Variants in VSIG1 observed in about 807,000 individuals in gnomAD.
VSIG1 encodes the protein V-set and immunoglobulin domain containing 1.
Under a neutral mutation model 20.1 loss-of-function variants are expected in VSIG1, and 11 were observed. The observed-to-expected ratio is 0.55, with a 90% CI of 0.34 to 0.91. The LOEUF (loss-of-function observed/expected upper bound fraction) is 0.91, where lower values mean the gene tolerates loss of function less well. Ranked by LOEUF, VSIG1 falls within the 40% of genes least tolerant of loss-of-function variation. The pLI, the probability that VSIG1 is intolerant of heterozygous loss-of-function variation, is 0.02. For missense variants in VSIG1, 283 were observed against 298.8 expected, an observed-to-expected ratio of 0.95 and a Z score of 0.39; for synonymous variants, 126 against 116.7, an observed-to-expected ratio of 1.08 and a Z score of -0.52.
intron 5 of VSIG1, 143 bp from the exon 6 acceptor site, chrX:108,075,934 G>A (rs1450492454): frequency 1.5e-6 from 1 of 677,960 alleles, no homozygotes; most frequent in Non-Finnish European, 2.1e-6. Flanking sequence ...AAATGACAGA[G>A]TTCTAGGGGT....
At chrX:108,039,529 T>C in the VSIG1 span, among the ~76,000 whole-genome samples, 1 of 111,710 alleles carries the variant, frequency 9.0e-6, no homozygotes, top group Non-Finnish European at 1.9e-5. Flanking sequence ...TTCTACCAAA[T>C]TGGAAACGAG....
intron 1 of VSIG1, among the ~76,000 whole-genome samples, chrX:108,047,845 CATATATATAT>C (rs376971631): frequency 7.4e-5 from 2 of 27,104 alleles, no homozygotes; most frequent in Admixed American, 3.6e-4. Context: ...TATATATATA[CATATATATAT>C]ACACATATAT....
At chrX:108,051,468 A>G (rs2030784124) in intron 1 of VSIG1, among the ~76,000 whole-genome samples, 1 of 112,590 alleles carries the variant, frequency 8.9e-6, no homozygotes, top group Non-Finnish European at 1.9e-5. Flanking sequence ...CTGCTGTTAG[A>G]ACAACAGACC....
At chrX:108,068,712 A>G (rs2031182225) in intron 3 of VSIG1, among the ~76,000 whole-genome samples, 1 of 112,211 alleles carries the variant, frequency 8.9e-6, no homozygotes, top group Admixed American at 9.4e-5. Context: ...ATTAGTGATT[A>G]CAATTTGACA....
chrX:108,041,235 C>G (rs905258537), upstream of VSIG1, among the ~76,000 whole-genome samples: 2 of 109,386 alleles, frequency 1.8e-5, no homozygotes, highest in Non-Finnish European at 3.8e-5. Context: ...ACTTTTGAGC[C>G]TCAGTTTTCT....
At chrX:108,031,820 C>T in the VSIG1 span, among the ~76,000 whole-genome samples, 1 of 111,982 alleles carries the variant, frequency 8.9e-6, no homozygotes, top group African/African-American at 3.2e-5. Context: ...CCACACTGTA[C>T]AATTGGATCT....
chrX:108,076,071 C>A lies in VSIG1; in HGVS notation c.689-6C>A, dbSNP rs1308878916. On this transcript the variant is annotated splice_region_variant and splice_polypyrimidine_tract_variant and intron_variant, in intron 5 of 6. Transcript: ENST00000217957. ...ACTTTATTAACCAGCTGCTTGTATC[C>A]TTCAGATCCAGAAGTTGGAATCATT... 1 of 1,210,178 alleles carries A rather than the reference C, an allele frequency of 8.3e-7. No individual in the cohort carries two copies. Among genetic ancestry groups the A allele is most frequent in the African/African-American group, 1.7e-5 (1 of 57,742 alleles).
intron 1 of VSIG1, among the ~76,000 whole-genome samples, chrX:108,047,799 T>TATATATATACATATATATACAC (rs2030624106): frequency 1.5e-5 from 1 of 68,561 alleles, no homozygotes; most frequent in Non-Finnish European, 2.6e-5. Flanking sequence ...TCTATATATA[T>TATATATATACATATATATACAC]ATATATATAC....
At chrX:108,053,853 T>A (rs2030838688) in intron 1 of VSIG1, among the ~76,000 whole-genome samples, 1 of 111,456 alleles carries the variant, frequency 9.0e-6, no homozygotes, top group Admixed American at 9.5e-5. Context: ...AATCTCTTAC[T>A]GTGCCTAATT....
At chrX:108,024,650 A>T in the VSIG1 span, among the ~76,000 whole-genome samples, 1 of 110,155 alleles carries the variant, frequency 9.1e-6, no homozygotes, top group Admixed American at 9.8e-5. Context: ...TTATGTTTTC[A>T]TCTTCATCAT....
intron 2 of VSIG1, chrX:108,061,464 A>G: frequency 2.6e-6 from 3 of 1,167,025 alleles, no homozygotes; most frequent in Non-Finnish European, 3.4e-6. Flanking sequence ...TATGGAGGAA[A>G]AGGCAGTCAG....
intron 4 of VSIG1, 98 bp from the exon 5 acceptor site, chrX:108,073,152 C>T: frequency 1.0e-6 from 1 of 1,002,774 alleles, no homozygotes; most frequent in Non-Finnish European, 1.4e-6. Flanking sequence ...AAAGAGAGGC[C>T]AATATGGGGG....
At position 108,075,880 on chromosome X, in the gene VSIG1, C is replaced by A. The variant is rs770057077; in HGVS notation, c.689-197C>A. On this transcript the variant is annotated intron_variant, in intron 5 of 6. Coordinates refer to ENST00000217957, the MANE Select transcript of VSIG1 (RefSeq NM_182607.5). ...TCCTCCAAGTTGGCCACATTTTATTCTTTATGTGCACAAATGTCAATAGTC... is the reference window on the plus strand; with the variant it reads ...TCCTCCAAGTTGGCCACATTTTATTATTTATGTGCACAAATGTCAATAGTC... 4.5e-5 allele frequency among the ~76,000 whole-genome samples: 5 copies of A among 111,853 alleles called. No individual in the cohort carries two copies. The South Asian group carries it at 1.5e-3, about 34-fold the overall frequency.
At chrX:108,054,430 T>A (rs889308257) in intron 1 of VSIG1, among the ~76,000 whole-genome samples, 3 of 111,734 alleles carry the variant, frequency 2.7e-5, no homozygotes, top group African/African-American at 9.7e-5. Context: ...TCCAGTTGAA[T>A]ATTTTTACGA....
chrX:108,019,122 G>A, the VSIG1 span, among the ~76,000 whole-genome samples: 5 of 112,080 alleles, frequency 4.5e-5, 1 homozygote, highest in Middle Eastern at 8.4e-3. Flanking sequence ...ACAACACTTT[G>A]GGATATAAGT....
At chrX:108,065,928 T>C (rs2031116429) in intron 2 of VSIG1, among the ~76,000 whole-genome samples, 1 of 111,469 alleles carries the variant, frequency 9.0e-6, no homozygotes, top group Non-Finnish European at 1.9e-5. Flanking sequence ...ATAACTTTGT[T>C]TCTTATCTAA....
At chrX:108,029,283 A>G in the VSIG1 span, among the ~76,000 whole-genome samples, 1 of 111,775 alleles carries the variant, frequency 8.9e-6, no homozygotes, top group Non-Finnish European at 1.9e-5. Flanking sequence ...TTGCAGGTCC[A>G]GTGTCTTTTT....
In VSIG1 at chrX:108,077,576, A is replaced by G. The variant is rs1028201355; in HGVS notation, c.*195A>G. ...ATCAGCAAGGGTTCCTGTATTACCA[A>G]TATAGAATACTAACAATTTTACTAA... On this transcript the variant is annotated 3_prime_UTR_variant, in exon 7 of 7. Transcript: ENST00000217957. 1.7e-5 allele frequency: 7 copies of G among 423,039 alleles called. No individual in the cohort carries two copies. Among genetic ancestry groups the G allele is most frequent in the Non-Finnish European group, 2.4e-5 (6 of 255,093 alleles). 34.9% of individuals were successfully genotyped at this position (423,039 alleles called of 1,213,427 possible).
At chrX:108,046,273 T>TA (rs2030574644) in intron 1 of VSIG1, among the ~76,000 whole-genome samples, 2 of 112,333 alleles carry the variant, frequency 1.8e-5, no homozygotes, top group African/African-American at 6.5e-5. Context: ...TTTATGGAGT[T>TA]AAACATCACC....
Sources: gnomAD v4.1 joint callset for allele counts (sites outside exome capture counted in the v4.1 genomes callset) on GRCh38, gnomAD v4.1.1 for gene constraint, MANE v1.5 for transcripts, NCBI Gene and HGNC (gene_info 2026-07-23, HGNC 2026-07-21) for gene names.